The following RCAN2 variants were observed in gnomAD, a reference collection of about 807,000 sequenced individuals.
The protein encoded by RCAN2 is calcipressin-2.
In RCAN2, 9 loss-of-function variants were observed where a neutral mutation model predicts 23.6. That is an observed-to-expected ratio of 0.38 (90% CI 0.23 to 0.67). The LOEUF is 0.67. RCAN2 is among the 30% of genes least tolerant of loss of function. The pLI is 0.51. For synonymous variants in RCAN2, 109 were observed against 115.7 expected, an observed-to-expected ratio of 0.94 and a Z score of 0.37; for missense variants, 273 against 302.3, an observed-to-expected ratio of 0.90 and a Z score of 0.72.
intron 2 of RCAN2, among the ~76,000 whole-genome samples, chr6:46,351,457 C>T (rs1561870637): frequency 6.6e-6 from 1 of 152,168 alleles, no homozygotes; most frequent in Admixed American, 6.5e-5. Flanking sequence ...TATTTAGATT[C>T]TAATCTAGAT....
At chr6:46,477,572 T>C (rs1309104756) in intron 1 of RCAN2, among the ~76,000 whole-genome samples, 1 of 152,118 alleles carries the variant, frequency 6.6e-6, no homozygotes, top group East Asian at 1.9e-4. Flanking sequence ...GAGTAAAATG[T>C]TTAAAATAAT....
At chr6:46,418,214 T>A (rs1766766521) in intron 2 of RCAN2, among the ~76,000 whole-genome samples, 2 of 152,214 alleles carry the variant, frequency 1.3e-5, no homozygotes, top group South Asian at 4.1e-4. Context: ...ACAACCTGAA[T>A]TTTTAAAGCA....
intron 1 of RCAN2, among the ~76,000 whole-genome samples, chr6:46,459,379 A>T (rs998741752): frequency 6.6e-6 from 1 of 152,242 alleles, no homozygotes; most frequent in Non-Finnish European, 1.5e-5. Flanking sequence ...TTCCAAAAAA[A>T]ATCTAAAATC....
At chr6:46,306,733 G>A (rs9463200) in intron 2 of RCAN2, among the ~76,000 whole-genome samples, 6,662 of 152,060 alleles carry the variant, frequency 0.044, 501 homozygotes, top group African/African-American at 0.15. Flanking sequence ...AAACGTTTCT[G>A]GAAGCCTTCT....
intron 2 of RCAN2, among the ~76,000 whole-genome samples, chr6:46,320,139 A>T (rs1763564376): frequency 6.6e-6 from 1 of 152,196 alleles, no homozygotes; most frequent in African/African-American, 2.4e-5. Context: ...GAAAATTCTT[A>T]AAGAGCTTTA....
In RCAN2 at chr6:46,229,785, G is replaced by T. The variant is rs552239125; in HGVS notation, c.572-6484C>A. On this transcript the variant is annotated intron_variant, in intron 4 of 4. Coordinates refer to ENST00000371374, the MANE Select transcript of RCAN2 (RefSeq NM_001251974.2). ...AGCCTTCTTCTCTCAACTCGTCAAA[G>T]TCATTCTCCATCCAGCTTTGTTCCA... is the stretch of plus-strand genomic sequence containing the variant. Among the ~76,000 whole-genome samples, 292 of 152,302 alleles carry T rather than the reference G, an allele frequency of 1.9e-3. 2 individuals are homozygous for T. Among genetic ancestry groups the T allele is most frequent in the African/African-American group, 6.4e-3 (265 of 41,560 alleles).
Position 46,265,479 on chromosome 6 carries a change from A to T in RCAN2, c.226-16583T>A, listed in dbSNP as rs915029411. On this transcript the variant is annotated intron_variant, in intron 2 of 4. Coordinates refer to ENST00000371374, the MANE Select transcript of RCAN2 (RefSeq NM_001251974.2). ...AGCCAGTAATTTATAGATAGTGTCC[A>T]CTATAATTAGGATGACTACACAATG... Among the ~76,000 whole-genome samples the T allele has an allele frequency of 2.0e-5, 3 of 152,210 alleles. No homozygotes were observed. In the East Asian group the frequency reaches 5.8e-4, roughly 29 times the overall value.
intron 2 of RCAN2, among the ~76,000 whole-genome samples, chr6:46,377,880 C>T (rs530856680): frequency 1.1e-4 from 16 of 152,210 alleles, no homozygotes; most frequent in Admixed American, 2.6e-4. Context: ...TTATGATATC[C>T]GCTCCATACC....
At chr6:46,387,807 TG>T (rs1765800518) in intron 2 of RCAN2, among the ~76,000 whole-genome samples, 1 of 152,232 alleles carries the variant, frequency 6.6e-6, no homozygotes, top group African/African-American at 2.4e-5. Context: ...TGCACACGTA[TG>T]TTTATTGTGG....
rs144536757 is a variant in RCAN2 at position 46,389,324 on chromosome 6, C to T, written c.225+67428G>A. Among the ~76,000 whole-genome samples the T allele has an allele frequency of 3.8e-3, 581 of 152,238 alleles. 3 individuals are homozygous for T. The highest frequency in any genetic ancestry group is 0.013 in the African/African-American group (537 of 41,540). ...TCACTCAGCCTGCTGTTTCAGACTC[C>T]CCAGTTTTCTTTACACTGTTTCCTC... On this transcript the variant is annotated intron_variant, in intron 2 of 4. Transcript: ENST00000371374.
Position 46,355,743 on chromosome 6 carries a change from A to G in RCAN2, c.225+101009T>C, listed in dbSNP as rs189306027. On this transcript the variant is annotated intron_variant, in intron 2 of 4. Coordinates refer to ENST00000371374, the MANE Select transcript of RCAN2 (RefSeq NM_001251974.2). The stretch of plus-strand genomic sequence containing the variant: ...CAGTTTCAAGAGTGCCAAAGAAGGC[A>G]GAGAATGAAATGGTGTAGAACAAAA... 2.6e-5 allele frequency among the ~76,000 whole-genome samples: 4 copies of G among 152,374 alleles called. No homozygotes were observed. In the East Asian group the frequency reaches 7.7e-4, roughly 29 times the overall value.
chr6:46,484,751 A>T (rs575833688), intron 1 of RCAN2, among the ~76,000 whole-genome samples: 3 of 152,200 alleles, frequency 2.0e-5, no homozygotes, highest in Non-Finnish European at 4.4e-5. Flanking sequence ...ACAGAAATCA[A>T]CTTTCCTACA....
At chr6:46,365,996 A>C (rs1406986202) in intron 2 of RCAN2, among the ~76,000 whole-genome samples, 4 of 152,158 alleles carry the variant, frequency 2.6e-5, no homozygotes, top group African/African-American at 9.7e-5. Flanking sequence ...TTTATGGATG[A>C]GGAAATGAGG....
intron 2 of RCAN2, among the ~76,000 whole-genome samples, chr6:46,321,014 A>G (rs2150361995): frequency 6.6e-6 from 1 of 152,338 alleles, no homozygotes; most frequent in South Asian, 2.1e-4. Flanking sequence ...CACATCAGAT[A>G]AGATGGCTAA....
At chr6:46,301,655 A>G (rs988196006) in intron 2 of RCAN2, among the ~76,000 whole-genome samples, 1 of 152,104 alleles carries the variant, frequency 6.6e-6, no homozygotes, top group African/African-American at 2.4e-5. Flanking sequence ...TGGTGAACAT[A>G]TAACAATGGT....
At chr6:46,425,312 A>T (rs1350821709) in intron 2 of RCAN2, among the ~76,000 whole-genome samples, 1 of 152,250 alleles carries the variant, frequency 6.6e-6, no homozygotes, top group African/African-American at 2.4e-5. Flanking sequence ...TAGTCCTCAG[A>T]GCAATGACAT....
At chr6:46,368,459 T>G (rs1315285511) in intron 2 of RCAN2, among the ~76,000 whole-genome samples, 1 of 152,138 alleles carries the variant, frequency 6.6e-6, no homozygotes, top group African/African-American at 2.4e-5. Context: ...AATGACAGGG[T>G]ATGTCCTGAG....
At chr6:46,307,992 T>C (rs980928668) in intron 2 of RCAN2, among the ~76,000 whole-genome samples, 4 of 152,174 alleles carry the variant, frequency 2.6e-5, no homozygotes, top group African/African-American at 7.2e-5. Flanking sequence ...AAAGTAATTA[T>C]CCAGCAAATA....
intron 2 of RCAN2, among the ~76,000 whole-genome samples, chr6:46,445,596 A>G (rs1208289766): frequency 6.6e-6 from 1 of 152,222 alleles, no homozygotes; most frequent in African/African-American, 2.4e-5. Flanking sequence ...CACCCTCAAA[A>G]TAAAGATTTG....
Sources: gnomAD v4.1 joint callset for allele counts (sites outside exome capture counted in the v4.1 genomes callset) on GRCh38, gnomAD v4.1.1 for gene constraint, MANE v1.5 for transcripts, NCBI Gene and HGNC (gene_info 2026-07-23, HGNC 2026-07-21) for gene names.